The following ITPK1 variants were observed in gnomAD, a reference collection of about 807,000 sequenced individuals.
ITPK1 encodes the protein inositol-tetrakisphosphate 1-kinase.
Under a neutral mutation model 45.3 loss-of-function variants are expected in ITPK1, and 21 were observed. The ratio of observed to expected loss-of-function variants is 0.46; its 90% confidence interval spans 0.33 to 0.67. The LOEUF is 0.67. Ranked by LOEUF, ITPK1 falls within the 30% of genes least tolerant of loss-of-function variation. The pLI is 0.02. For missense variants in ITPK1, 474 were observed against 573.5 expected (o/e 0.83, Z 1.77); for synonymous variants, 258 against 253.6 (o/e 1.02, Z -0.16).
At position 92,946,432 on chromosome 14, in the gene ITPK1, C is replaced by A. The variant is rs759853041; in HGVS notation, c.800G>T (p.Arg267Leu). 1 of 1,613,176 alleles carries A rather than the reference C, an allele frequency of 6.2e-7. No individual in the cohort carries two copies. Among genetic ancestry groups the A allele is most frequent in the South Asian group, 1.1e-5 (1 of 91,084 alleles). The change falls in exon 10 of 11, where the codon CGG becomes CTG. Residue 267 changes from arginine (R) to leucine (L), a missense_variant. Physicochemically the swap from Arg to Leu is moderately radical, Grantham distance 102. Transcript: ENST00000267615. ...CACGCCCAGTGCCTGCCGCAGGGCC[C>A]GGGAGAGCTCCCGGATGACCTCGTC... is the stretch of plus-strand genomic sequence containing the variant. ...PSDEVIRELS[R>L]ALRQALGVSL...
chr14:92,962,971 C>A (rs769016989), intron 5 of ITPK1, 122 bp from the exon 6 acceptor site: 1 of 613,694 alleles, frequency 1.6e-6, no homozygotes, highest in African/African-American at 1.8e-5. Context: ...ATCTGACCGT[C>A]CCCAACCTCT....
At chr14:92,973,040 C>A (rs1295689778) in intron 5 of ITPK1, among the ~76,000 whole-genome samples, 2 of 152,240 alleles carry the variant, frequency 1.3e-5, no homozygotes, top group Non-Finnish European at 2.9e-5. Context: ...CCCAGCTGTT[C>A]TGCAGAGCCC....
intron 8 of ITPK1, among the ~76,000 whole-genome samples, chr14:92,952,958 G>A (rs1011114763): frequency 3.9e-5 from 6 of 152,250 alleles, no homozygotes; most frequent in Non-Finnish European, 5.9e-5. Context: ...GGCTGGCACG[G>A]GACCGTCCTG....
At chr14:92,949,354 C>T (rs1035835222) in intron 9 of ITPK1, among the ~76,000 whole-genome samples, 1 of 152,228 alleles carries the variant, frequency 6.6e-6, no homozygotes, top group Admixed American at 6.5e-5. Flanking sequence ...CCCGCCTTGG[C>T]CTCCCAAAGT....
chr14:92,992,372 T>C (rs2046684824), intron 5 of ITPK1, among the ~76,000 whole-genome samples: 1 of 152,232 alleles, frequency 6.6e-6, no homozygotes, highest in African/African-American at 2.4e-5. Context: ...TTTCTTCCCA[T>C]CTGGGATTCT....
chr14:93,042,108 G>C (rs1487491731), intron 3 of ITPK1, among the ~76,000 whole-genome samples: 1 of 152,136 alleles, frequency 6.6e-6, no homozygotes, highest in African/African-American at 2.4e-5. Flanking sequence ...CCCACTGCAG[G>C]AGGTACAAAT....
At chr14:93,004,175 G>A (rs1887493557) in intron 4 of ITPK1, among the ~76,000 whole-genome samples, 1 of 152,342 alleles carries the variant, frequency 6.6e-6, no homozygotes, top group South Asian at 2.1e-4. Context: ...CCCACCACAG[G>A]TGAGGGAGGG....
chr14:92,940,853 G>C lies in ITPK1; in HGVS notation c.*708C>G, dbSNP rs1044213194. On this transcript the variant is annotated 3_prime_UTR_variant, in exon 11 of 11. Transcript: ENST00000267615. ...CCAGGGAGCAGCAGTGCTGGCTTAG[G>C]GGAAGGAGACCGCTGTGCAGGGCTA... 2 of 1,288,506 alleles carry C rather than the reference G, an allele frequency of 1.6e-6. No homozygotes were observed. Among genetic ancestry groups the C allele is most frequent in the African/African-American group, 3.0e-5 (2 of 65,862 alleles). The allele number at this position is 1,288,506 out of a possible 1,614,324, so 79.8% of individuals were successfully genotyped here. A position where few individuals can be genotyped will look rare whatever the true frequency, so the allele number is the denominator to read the frequency against.
chr14:93,082,180 A>G (rs1381924179), intron 2 of ITPK1, among the ~76,000 whole-genome samples: 1 of 152,094 alleles, frequency 6.6e-6, no homozygotes, highest in Non-Finnish European at 1.5e-5. Context: ...GAAAAGGGTA[A>G]AGGAAACCTA....
chr14:92,948,856 G>GGATATCA (rs1887813173), intron 9 of ITPK1, among the ~76,000 whole-genome samples: 1 of 100,984 alleles, frequency 9.9e-6, no homozygotes, highest in East Asian at 2.9e-4. Flanking sequence ...TCCGGGCGCC[G>GGATATCA]CCCACGCTCC....
At chr14:93,082,503 C>T (rs1020546809) in intron 2 of ITPK1, among the ~76,000 whole-genome samples, 2 of 152,230 alleles carry the variant, frequency 1.3e-5, no homozygotes, top group African/African-American at 4.8e-5. Flanking sequence ...TAGAACTCAT[C>T]CCACACGGGC....
intron 2 of ITPK1, among the ~76,000 whole-genome samples, chr14:93,091,656 G>A (rs1004816467): frequency 6.6e-6 from 1 of 152,174 alleles, no homozygotes; most frequent in African/African-American, 2.4e-5. Flanking sequence ...GCCAGAGGGT[G>A]GAATGAATGA....
intron 2 of ITPK1, among the ~76,000 whole-genome samples, chr14:93,086,619 G>A (rs1335893833): frequency 1.3e-5 from 2 of 152,238 alleles, no homozygotes; most frequent in African/African-American, 4.8e-5. Flanking sequence ...TCTGGCGGGT[G>A]TGCCACAGGC....
intron 5 of ITPK1, among the ~76,000 whole-genome samples, chr14:92,973,610 C>T (rs907922168): frequency 1.3e-5 from 2 of 152,272 alleles, no homozygotes; most frequent in Non-Finnish European, 2.9e-5. Context: ...GGAAGATGTT[C>T]TGTGCATCCG....
At chr14:93,103,408 C>T (rs1304519060) in intron 2 of ITPK1, among the ~76,000 whole-genome samples, 2 of 151,966 alleles carry the variant, frequency 1.3e-5, no homozygotes, top group Non-Finnish European at 2.9e-5. Context: ...AGCAAGACTC[C>T]GTCTCCATCT....
intron 3 of ITPK1, among the ~76,000 whole-genome samples, chr14:93,019,793 G>A (rs917783576): frequency 3.3e-5 from 5 of 152,198 alleles, no homozygotes; most frequent in Non-Finnish European, 5.9e-5. Context: ...CGGAGAAAAG[G>A]ACACTGTGCA....
chr14:92,940,067 C>A lies in ITPK1; in HGVS notation c.*1494G>T. On this transcript the variant is annotated 3_prime_UTR_variant, in exon 11 of 11. Coordinates refer to ENST00000267615, the MANE Select transcript of ITPK1 (RefSeq NM_014216.6). ...CCGGGCAGTTCTGATGGCCTCTGCC[C>A]CTCGCCCAAGCCCTGTGCCTCCCTC... 4.1e-6 allele frequency: 4 copies of A among 985,832 alleles called. No individual in the cohort carries two copies. Among genetic ancestry groups the A allele is most frequent in the Non-Finnish European group, 4.8e-6 (4 of 830,006 alleles). 61.1% of individuals were successfully genotyped at this position (985,832 alleles called of 1,614,324 possible).
chr14:93,110,964 CCT>C (rs1331492064), intron 2 of ITPK1, among the ~76,000 whole-genome samples: 2 of 152,108 alleles, frequency 1.3e-5, no homozygotes, highest in East Asian at 3.9e-4. Flanking sequence ...ACTCCCGGAG[CCT>C]CTGTTTCCTC....
chr14:93,053,900 G>A (rs1473618977), intron 3 of ITPK1, among the ~76,000 whole-genome samples: 1 of 152,214 alleles, frequency 6.6e-6, no homozygotes, highest in African/African-American at 2.4e-5. Flanking sequence ...GGGACAGCCA[G>A]GCTTCAGAAA....
Sources: gnomAD v4.1 joint callset for allele counts (sites outside exome capture counted in the v4.1 genomes callset) on GRCh38, gnomAD v4.1.1 for gene constraint, MANE v1.5 for transcripts, NCBI Gene and HGNC (gene_info 2026-07-23, HGNC 2026-07-21) for gene names.